DPP6: variants seen among roughly 807,000 people sequenced by gnomAD.
The protein encoded by DPP6 is dipeptidyl peptidase like 6, also known as A-type potassium channel modulatory protein DPP6.
DPP6 carries 69 observed loss-of-function variants against 122.6 expected under a neutral mutation model. That is an observed-to-expected ratio of 0.56 (90% CI 0.46 to 0.69). The LOEUF is 0.69. DPP6 is among the 30% of genes least tolerant of loss of function. The probability of loss-of-function intolerance (pLI) is 0.00; values close to 1 mark genes in which losing one functional copy is unlikely to be tolerated. For missense variants in DPP6, 928 were observed against 1,116.9 expected, an observed-to-expected ratio of 0.83 and a Z score of 2.41; for synonymous variants, 418 against 433.1, an observed-to-expected ratio of 0.97 and a Z score of 0.43.
At chr7:154,330,138 T>G (rs1808790914) in intron 1 of DPP6, among the ~76,000 whole-genome samples, 1 of 152,244 alleles carries the variant, frequency 6.6e-6, no homozygotes, top group Admixed American at 6.5e-5. Context: ...CCATGGCACA[T>G]GTATACCTAT....
At chr7:154,887,577 T>C (rs2150697891) in intron 22 of DPP6, 99 bp from the exon 23 acceptor site, 2 of 1,220,104 alleles carry the variant, frequency 1.6e-6, no homozygotes, top group South Asian at 1.2e-5. Context: ...GCCTGAGTCC[T>C]CACCCCGCAC....
At chr7:154,148,049 G>A (rs924019978) in intron 1 of DPP6, among the ~76,000 whole-genome samples, 1 of 149,754 alleles carries the variant, frequency 6.7e-6, no homozygotes, top group Admixed American at 6.6e-5. Flanking sequence ...TGAATTTTAG[G>A]AGCCAGAGCG....
At chr7:154,681,605 G>A (rs1586879232) in intron 7 of DPP6, among the ~76,000 whole-genome samples, 2 of 152,112 alleles carry the variant, frequency 1.3e-5, no homozygotes, top group East Asian at 3.9e-4. Context: ...GGCGGGGGAG[G>A]GCTGTACTCG....
chr7:154,492,742 T>C (rs1434261674), intron 3 of DPP6, among the ~76,000 whole-genome samples: 4 of 152,190 alleles, frequency 2.6e-5, no homozygotes, highest in Admixed American at 1.3e-4. Context: ...CAGGCTTGTC[T>C]GTCTCCAAAA....
intron 1 of DPP6, among the ~76,000 whole-genome samples, chr7:154,028,452 T>C (rs930355029): frequency 1.3e-5 from 2 of 151,488 alleles, no homozygotes; most frequent in Admixed American, 6.6e-5. Flanking sequence ...GGTAGCCCCA[T>C]TTTCTCCTCC....
In DPP6 at chr7:154,207,305, A is replaced by G. The variant is rs147506313; in HGVS notation, c.243+154242A>G. On this transcript the variant is annotated intron_variant, in intron 1 of 25. Transcript: ENST00000377770. ...TGCAATTGTAATGCCGTTGGTGTCC[A>G]TGTAGTAAAAAAGTGCAATATTTGG... Among the ~76,000 whole-genome samples, 202 of 152,324 alleles carry G rather than the reference A, an allele frequency of 1.3e-3. 1 individual carries two copies. The highest frequency in any genetic ancestry group is 4.5e-3 in the African/African-American group (188 of 41,558).
chr7:154,453,273 A>C (rs1820549300), intron 2 of DPP6, among the ~76,000 whole-genome samples: 1 of 151,284 alleles, frequency 6.6e-6, no homozygotes. Flanking sequence ...CATCAATGAG[A>C]AGCCTTGAAT....
chr7:153,836,586 A>G, the DPP6 span, among the ~76,000 whole-genome samples: 1 of 152,192 alleles, frequency 6.6e-6, no homozygotes, highest in Non-Finnish European at 1.5e-5. Flanking sequence ...GAGAATAATG[A>G]CATTTGTTTT....
At chr7:154,779,192 A>G (rs1223886108) in intron 10 of DPP6, among the ~76,000 whole-genome samples, 2 of 82,500 alleles carry the variant, frequency 2.4e-5, no homozygotes, top group Non-Finnish European at 4.9e-5. Context: ...CACCCCCACA[A>G]CTTCTACCAC....
chr7:154,714,666 A>C (rs925827586), intron 7 of DPP6, among the ~76,000 whole-genome samples: 1 of 152,224 alleles, frequency 6.6e-6, no homozygotes. Context: ...CCCAAGACAC[A>C]TGAGAATTAT....
chr7:154,596,569 A>C (rs576312997), intron 5 of DPP6, among the ~76,000 whole-genome samples: 32 of 152,338 alleles, frequency 2.1e-4, no homozygotes, highest in African/African-American at 7.7e-4. Flanking sequence ...ACTTCCAAAA[A>C]AAAAAGTTGA....
chr7:153,789,135 G>A, the DPP6 span, among the ~76,000 whole-genome samples: 198 of 152,244 alleles, frequency 1.3e-3, no homozygotes, highest in Admixed American at 4.3e-3. Context: ...TTGCTGGCTT[G>A]GAAGATGATG....
intron 5 of DPP6, among the ~76,000 whole-genome samples, chr7:154,634,672 C>CCCTTCT (rs201630238): frequency 2.6e-5 from 4 of 151,432 alleles, no homozygotes; most frequent in African/African-American, 7.3e-5. Flanking sequence ...CCTCCTCTTC[C>CCCTTCT]CCTTCTCCTT....
intron 1 of DPP6, among the ~76,000 whole-genome samples, chr7:154,299,639 T>G (rs1286939308): frequency 2.6e-5 from 4 of 152,212 alleles, no homozygotes; most frequent in Non-Finnish European, 4.4e-5. Flanking sequence ...AAGAAGTGAC[T>G]TCTCTTGCAG....
the DPP6 span, among the ~76,000 whole-genome samples, chr7:153,800,250 A>T: frequency 6.6e-6 from 1 of 152,204 alleles, no homozygotes; most frequent in East Asian, 1.9e-4. Context: ...CATAAAATAG[A>T]ATAAAATCCT....
intron 12 of DPP6, among the ~76,000 whole-genome samples, chr7:154,797,360 T>A (rs1798107388): frequency 6.6e-6 from 1 of 151,880 alleles, no homozygotes; most frequent in African/African-American, 2.4e-5. Context: ...CATATGTATG[T>A]GTGTGTGTTA....
At chr7:154,864,731 T>C (rs1803703807) in intron 17 of DPP6, among the ~76,000 whole-genome samples, 1 of 152,234 alleles carries the variant, frequency 6.6e-6, no homozygotes, top group African/African-American at 2.4e-5. Flanking sequence ...TTTAATAGTC[T>C]GTTGCTTTGG....
chr7:154,403,311 A>G lies in DPP6; in HGVS notation c.244-42903A>G, dbSNP rs551449118. 6.6e-5 allele frequency among the ~76,000 whole-genome samples: 10 copies of G among 152,280 alleles called. No individual in the cohort carries two copies. Among genetic ancestry groups the G allele is most frequent in the African/African-American group, 2.4e-4 (10 of 41,574 alleles). On this transcript the variant is annotated intron_variant, in intron 1 of 25. Coordinates refer to ENST00000377770, the MANE Select transcript of DPP6 (RefSeq NM_130797.4). The surrounding 1 kb of genome is among the most constrained non-coding windows in gnomAD (Gnocchi z 4.1). ...TGTGATAGAGTGCGGGGGAATCAGG[A>G]CACCGCCCACCGCTGTCCAAATGCC...
chr7:153,927,156 T>C (rs945117865), intron 1 of DPP6, among the ~76,000 whole-genome samples: 3 of 152,026 alleles, frequency 2.0e-5, no homozygotes, highest in South Asian at 2.1e-4. Context: ...CTAAAAAATA[T>C]TGACAAGTTG....
Sources: gnomAD v4.1 joint callset for allele counts (sites outside exome capture counted in the v4.1 genomes callset) on GRCh38, gnomAD v4.1.1 for gene constraint, Gnocchi (gnomAD v3.1) non-coding constraint, MANE v1.5 for transcripts, NCBI Gene and HGNC (gene_info 2026-07-23, HGNC 2026-07-21) for gene names.